PDCD6IP: variants seen among roughly 807,000 people sequenced by gnomAD.
The protein encoded by PDCD6IP is programmed cell death 6-interacting protein.
A neutral mutation model predicts 103.7 loss-of-function variants in PDCD6IP; 43 were observed. The observed-to-expected ratio is 0.41, with a 90% CI of 0.32 to 0.53. PDCD6IP has a LOEUF of 0.53. Among genes scored for constraint, PDCD6IP ranks in the 20% least tolerant of loss-of-function variants. The pLI, the probability that PDCD6IP is intolerant of heterozygous loss-of-function variation, is 0.16. For missense variants in PDCD6IP, 871 were observed against 1,036.7 expected, an observed-to-expected ratio of 0.84 and a Z score of 2.20; for synonymous variants, 354 against 378.7, an observed-to-expected ratio of 0.93 and a Z score of 0.76.
At chr3:33,826,169 T>G (rs1697119530) in intron 5 of PDCD6IP, among the ~76,000 whole-genome samples, 1 of 152,182 alleles carries the variant, frequency 6.6e-6, no homozygotes, top group Admixed American at 6.5e-5. Flanking sequence ...AAGTTCACCC[T>G]TTCTAAGTAT....
chr3:33,846,173 A>G (rs1343766808), intron 12 of PDCD6IP, among the ~76,000 whole-genome samples: 1 of 152,224 alleles, frequency 6.6e-6, no homozygotes, highest in Non-Finnish European at 1.5e-5. Context: ...TTAGTAGGAA[A>G]AGATAGAGGT....
At position 33,798,769 on chromosome 3, in the gene PDCD6IP, A is replaced by G; in HGVS notation, c.41A>G (p.Glu14Gly). 1 of 1,575,544 alleles carries G rather than the reference A, an allele frequency of 6.3e-7. No individual in the cohort carries two copies. Among genetic ancestry groups the G allele is most frequent in the Non-Finnish European group, 8.6e-7 (1 of 1,161,506 alleles). The change falls in exon 1 of 18, where the codon GAG becomes GGG. Residue 14 changes from glutamate (E) to glycine (G), a missense_variant. Glu to Gly is a moderately conservative substitution (Grantham distance 98). This residue lies in a region of PDCD6IP where 114 missense variants were observed against 106.7 expected (regional missense o/e 1.07). Coordinates refer to ENST00000307296, the MANE Select transcript of PDCD6IP (RefSeq NM_013374.6). ...FISVQLKKTS[E>G]VDLAKPLVKF... Reference sequence around the variant, plus strand: ...TCGGTGCAGCTGAAAAAGACCTCAGAGGTGGACCTGGCCAAGCCGCTGGTG... The same window carrying G: ...TCGGTGCAGCTGAAAAAGACCTCAGGGGTGGACCTGGCCAAGCCGCTGGTG...
chr3:33,841,887 A>T lies in PDCD6IP; in HGVS notation c.1182-10A>T. 2 of 1,537,770 alleles carry T rather than the reference A, an allele frequency of 1.3e-6. No homozygotes were observed. The highest frequency in any genetic ancestry group is 1.8e-6 in the Non-Finnish European group (2 of 1,126,340). ...AGACTTCAGTATAACATAGTATCTCATTTTTTCAGGGTGCTAGCTTCCCTT... is the reference window on the plus strand; with the variant it reads ...AGACTTCAGTATAACATAGTATCTCTTTTTTTCAGGGTGCTAGCTTCCCTT... On this transcript the variant is annotated splice_polypyrimidine_tract_variant and intron_variant, in intron 9 of 17. Coordinates refer to ENST00000307296, the MANE Select transcript of PDCD6IP (RefSeq NM_013374.6).
chr3:33,824,273 T>C (rs1697061814), intron 4 of PDCD6IP, among the ~76,000 whole-genome samples: 1 of 152,136 alleles, frequency 6.6e-6, no homozygotes, highest in Non-Finnish European at 1.5e-5. Flanking sequence ...TTTTTTCTTT[T>C]TTGAGATGGA....
At chr3:33,805,793 A>G (rs6796138) in intron 1 of PDCD6IP, among the ~76,000 whole-genome samples, 43,941 of 150,720 alleles carry the variant, frequency 0.29, 6,567 homozygotes, top group East Asian at 0.41. Flanking sequence ...CGCCCAGGCT[A>G]GAGTGCAGTG....
rs143935292 is a variant in PDCD6IP at position 33,836,112 on chromosome 3, T to A, written c.903T>A (p.Ser301=). 6.2e-7 allele frequency: 1 copy of A among 1,612,594 alleles called. No individual in the cohort carries two copies. The highest frequency in any genetic ancestry group is 1.3e-5 in the African/African-American group (1 of 74,896). ...YDEYVNVKDF[S]DKINRALAAA... is the part of the protein sequence containing the mutation. ...AATATGTTAATGTGAAGGATTTTTC[T>A]GACAAAATCAATCGTGCCCTTGCTG... The change falls in exon 8 of 18, where the codon TCT becomes TCA. Residue 301 remains serine, a synonymous_variant. Coordinates refer to ENST00000307296, the MANE Select transcript of PDCD6IP (RefSeq NM_013374.6).
rs1036053018 is a variant in PDCD6IP at position 33,869,120 on chromosome 3, T to A, written c.*2595T>A. On this transcript the variant is annotated 3_prime_UTR_variant, in exon 18 of 18. Coordinates refer to ENST00000307296, the MANE Select transcript of PDCD6IP (RefSeq NM_013374.6). ...AAAGTTCTGTCCCAGTCAGCAGTCT[T>A]TATAGTCCAAACAGATTATAAAAAA... is the stretch of plus-strand genomic sequence containing the variant. The A allele has an allele frequency of 1.3e-5, 2 of 152,230 alleles. No individual in the cohort carries two copies. Among genetic ancestry groups the A allele is most frequent in the African/African-American group, 4.8e-5 (2 of 41,468 alleles). 9.4% of individuals were successfully genotyped at this position (152,230 alleles called of 1,614,324 possible).
At chr3:33,843,430 T>C (rs1271688103) in intron 10 of PDCD6IP, among the ~76,000 whole-genome samples, 2 of 152,172 alleles carry the variant, frequency 1.3e-5, no homozygotes, top group East Asian at 3.8e-4. Flanking sequence ...CCTACTTTTT[T>C]TGTATGGTTC....
At chr3:33,800,438 G>T (rs1696450722) in intron 1 of PDCD6IP, among the ~76,000 whole-genome samples, 1 of 152,078 alleles carries the variant, frequency 6.6e-6, no homozygotes. Context: ...TCATCCAGCC[G>T]GTTTAATTTC....
chr3:33,822,618 T>C (rs1697017974), intron 4 of PDCD6IP, among the ~76,000 whole-genome samples: 1 of 152,164 alleles, frequency 6.6e-6, no homozygotes, highest in African/African-American at 2.4e-5. Context: ...GATCATTTAC[T>C]AATATGGCAT....
intron 9 of PDCD6IP, among the ~76,000 whole-genome samples, chr3:33,838,837 T>A (rs1458153386): frequency 2.0e-5 from 3 of 151,934 alleles, no homozygotes; most frequent in Non-Finnish European, 4.4e-5. Flanking sequence ...GGTCTTATTG[T>A]CACCAGGCTG....
At chr3:33,855,322 G>T in intron 15 of PDCD6IP, 62 bp downstream of exon 15, 1 of 1,037,722 alleles carries the variant, frequency 9.6e-7, no homozygotes, top group South Asian at 1.3e-5. Context: ...ATCATGTAGA[G>T]ACTTTTGGTA....
intron 1 of PDCD6IP, among the ~76,000 whole-genome samples, chr3:33,810,378 T>C (rs947811605): frequency 1.3e-5 from 2 of 152,242 alleles, no homozygotes; most frequent in African/African-American, 4.8e-5. Context: ...TGACATGTCC[T>C]CATCATTTTT....
At chr3:33,818,662 G>T (rs1319131996) in intron 3 of PDCD6IP, among the ~76,000 whole-genome samples, 2 of 151,696 alleles carry the variant, frequency 1.3e-5, no homozygotes, top group African/African-American at 4.8e-5. Flanking sequence ...GGGACTACAG[G>T]TGTGCGCCAC....
At chr3:33,805,867 A>G (rs552119075) in intron 1 of PDCD6IP, among the ~76,000 whole-genome samples, 1 of 151,990 alleles carries the variant, frequency 6.6e-6, no homozygotes, top group East Asian at 1.9e-4. Flanking sequence ...GCCTCAGCCT[A>G]CCATGTAGCT....
intron 4 of PDCD6IP, among the ~76,000 whole-genome samples, chr3:33,822,804 C>T (rs949144752): frequency 3.9e-5 from 6 of 152,014 alleles, no homozygotes; most frequent in Admixed American, 3.9e-4. Context: ...TATAGGCATC[C>T]GCCACCTCGC....
intron 17 of PDCD6IP, 69 bp from the exon 18 acceptor site, chr3:33,866,282 A>G: frequency 6.9e-6 from 7 of 1,008,612 alleles, no homozygotes; most frequent in Non-Finnish European, 9.9e-6. Context: ...ACGTAGTTCT[A>G]GAATGATTAT....
intron 7 of PDCD6IP, among the ~76,000 whole-genome samples, chr3:33,830,655 C>T (rs149981903): frequency 8.6e-5 from 13 of 152,010 alleles, no homozygotes; most frequent in South Asian, 6.2e-4. Flanking sequence ...GTGGGAGGAT[C>T]GTTTGAAGCT....
chr3:33,820,237 T>C (rs113491338), intron 3 of PDCD6IP, among the ~76,000 whole-genome samples: 6,200 of 152,222 alleles, frequency 0.041, 187 homozygotes, highest in Middle Eastern at 0.071. Context: ...TGGGTGTGAT[T>C]GCACTAGTGC....
Sources: gnomAD v4.1 joint callset for allele counts (sites outside exome capture counted in the v4.1 genomes callset) on GRCh38, gnomAD v4.1.1 for gene constraint, gnomAD v4.1.1 regional missense constraint, MANE v1.5 for transcripts, NCBI Gene and HGNC (gene_info 2026-07-23, HGNC 2026-07-21) for gene names.